CNTLN: variants seen among roughly 807,000 people sequenced by gnomAD.
CNTLN encodes centlein, also known as centlein, centrosomal protein.
A neutral mutation model predicts 180.0 loss-of-function variants in CNTLN; 212 were observed. That is an observed-to-expected ratio of 1.18 (90% CI 1.05 to 1.32). The LOEUF (loss-of-function observed/expected upper bound fraction) is 1.32. CNTLN is among the 40% of genes most tolerant of loss of function. The pLI is 0.00. For missense variants in CNTLN, 2,095 were observed against 1,610.9 expected, an observed-to-expected ratio of 1.30 and a Z score of -5.14; for synonymous variants, 722 against 563.1, an observed-to-expected ratio of 1.28 and a Z score of -3.99.
chr9:17,214,067 A>G (rs894572219), intron 2 of CNTLN, among the ~76,000 whole-genome samples: 1 of 152,024 alleles, frequency 6.6e-6, no homozygotes, highest in African/African-American at 2.4e-5. Flanking sequence ...TAAGATTAAT[A>G]TTGTTATGTG....
rs574835968 is a variant in CNTLN, at chr9:17,285,098, C to T, written c.983+11232C>T. 9.3e-5 allele frequency among the ~76,000 whole-genome samples: 14 copies of T among 150,678 alleles called. No homozygotes were observed. The South Asian group carries it at 2.5e-3, about 27-fold the overall frequency. On this transcript the variant is annotated intron_variant, in intron 6 of 25. Coordinates refer to ENST00000380647, the MANE Select transcript of CNTLN (RefSeq NM_017738.4). Reference sequence around the variant, plus strand: ...ATACATGTGCCATGCTGGTGCGCTGCACCCACTAACTCGTCATCTAGCATT... The same window carrying T: ...ATACATGTGCCATGCTGGTGCGCTGTACCCACTAACTCGTCATCTAGCATT...
chr9:17,455,713 G>A (rs1488098292), intron 18 of CNTLN, among the ~76,000 whole-genome samples: 1 of 148,974 alleles, frequency 6.7e-6, no homozygotes, highest in East Asian at 1.9e-4. Context: ...ATGGCAGGCA[G>A]GTTTGGGGAG....
At chr9:17,276,499 C>A (rs1225920622) in intron 6 of CNTLN, among the ~76,000 whole-genome samples, 6 of 152,030 alleles carry the variant, frequency 3.9e-5, no homozygotes, top group Non-Finnish European at 7.4e-5. Context: ...GTATGGATTT[C>A]CTTCTTTGAA....
chr9:17,423,629 G>T (rs541850384), intron 18 of CNTLN, among the ~76,000 whole-genome samples: 3 of 152,056 alleles, frequency 2.0e-5, no homozygotes, highest in Admixed American at 2.0e-4. Context: ...CCCAAGGACC[G>T]CAGATTTTAT....
chr9:17,381,276 A>G (rs1330431913), intron 13 of CNTLN, among the ~76,000 whole-genome samples: 1 of 152,062 alleles, frequency 6.6e-6, no homozygotes, highest in African/African-American at 2.4e-5. Context: ...TCATTTTCCA[A>G]CTCTAGAAGT....
chr9:17,401,190 C>T (rs1238966840), intron 15 of CNTLN, among the ~76,000 whole-genome samples: 1 of 152,084 alleles, frequency 6.6e-6, no homozygotes, highest in Non-Finnish European at 1.5e-5. Context: ...TCTCTTGACA[C>T]AGTATCTTAG....
Position 17,260,183 on chromosome 9 carries a change from T to A in CNTLN, c.850-13550T>A, listed in dbSNP as rs1036929197. 7.4e-5 allele frequency among the ~76,000 whole-genome samples: 11 copies of A among 147,958 alleles called. 3 individuals are homozygous for A. Among genetic ancestry groups the A allele is most frequent in the African/African-American group, 2.9e-4 (11 of 38,310 alleles). On this transcript the variant is annotated intron_variant, in intron 5 of 25. Transcript: ENST00000380647. Reference sequence around the variant, plus strand: ...AGATTCTGGTATGTTATGTCTTTGTTCTCTTTGGTTTCAAAGAACATCTTT... The same window carrying A: ...AGATTCTGGTATGTTATGTCTTTGTACTCTTTGGTTTCAAAGAACATCTTT...
chr9:17,413,278 A>G (rs1361182967), intron 16 of CNTLN, among the ~76,000 whole-genome samples: 2 of 152,194 alleles, frequency 1.3e-5, no homozygotes, highest in African/African-American at 4.8e-5. Flanking sequence ...GGTGGCTCAC[A>G]TATAAATGTA....
intron 2 of CNTLN, among the ~76,000 whole-genome samples, chr9:17,174,698 G>GAAA (rs34784210): frequency 8.0e-6 from 1 of 124,452 alleles, no homozygotes; most frequent in African/African-American, 2.9e-5. Context: ...TCCGTCTCAG[G>GAAA]AAAAAAAAAA....
At chr9:17,405,527 T>A (rs1827313886) in intron 15 of CNTLN, among the ~76,000 whole-genome samples, 1 of 151,682 alleles carries the variant, frequency 6.6e-6, no homozygotes, top group African/African-American at 2.4e-5. Context: ...CCTGTTCTTA[T>A]AACAAACTCA....
At chr9:17,411,808 T>C (rs986661314) in intron 16 of CNTLN, among the ~76,000 whole-genome samples, 1 of 151,966 alleles carries the variant, frequency 6.6e-6, no homozygotes, top group Admixed American at 6.6e-5. Flanking sequence ...CCCCTATCCA[T>C]GCAAAAATTT....
intron 14 of CNTLN, among the ~76,000 whole-genome samples, chr9:17,391,576 A>G (rs763469021): frequency 6.6e-6 from 1 of 152,120 alleles, no homozygotes; most frequent in Non-Finnish European, 1.5e-5. Context: ...CCAAACTTAA[A>G]TGGATTTCAG....
chr9:17,454,718 TG>T (rs1831009574), intron 18 of CNTLN, among the ~76,000 whole-genome samples: 1 of 152,220 alleles, frequency 6.6e-6, no homozygotes, highest in Admixed American at 6.5e-5. Context: ...AGATCACCTT[TG>T]TTAGGTAGAC....
chr9:17,290,519 A>T (rs1364519831), intron 6 of CNTLN, among the ~76,000 whole-genome samples: 1 of 144,058 alleles, frequency 6.9e-6, no homozygotes, highest in Non-Finnish European at 1.5e-5. Context: ...GGCCTCCTTG[A>T]GCTGTGGTGG....
intron 6 of CNTLN, among the ~76,000 whole-genome samples, chr9:17,277,267 G>A (rs1444879064): frequency 1.3e-5 from 1 of 75,562 alleles, no homozygotes; most frequent in Non-Finnish European, 2.8e-5. Context: ...GTTTAGATGG[G>A]GTAGATGGGG....
chr9:17,476,562 A>T (rs771056940), intron 23 of CNTLN, among the ~76,000 whole-genome samples: 1 of 152,242 alleles, frequency 6.6e-6, no homozygotes, highest in Non-Finnish European at 1.5e-5. Flanking sequence ...ATGAATACAC[A>T]AATGATAAGA....
intron 2 of CNTLN, among the ~76,000 whole-genome samples, chr9:17,215,874 G>T (rs930644837): frequency 1.3e-5 from 2 of 152,168 alleles, no homozygotes; most frequent in African/African-American, 4.8e-5. Context: ...TAATCTCCTG[G>T]TGTGCCGTAT....
chr9:17,290,286 C>T (rs1158666336), intron 6 of CNTLN, among the ~76,000 whole-genome samples: 3 of 151,906 alleles, frequency 2.0e-5, no homozygotes, highest in African/African-American at 4.8e-5. Flanking sequence ...TGTCAGTCTG[C>T]CCCTGCTGGG....
chr9:17,200,193 C>G (rs1822426065), intron 2 of CNTLN, among the ~76,000 whole-genome samples: 2 of 152,066 alleles, frequency 1.3e-5, no homozygotes, highest in African/African-American at 4.8e-5. Context: ...TTCCATTGGT[C>G]TACATATATG....
Sources: gnomAD v4.1 joint callset for allele counts (sites outside exome capture counted in the v4.1 genomes callset) on GRCh38, gnomAD v4.1.1 for gene constraint, MANE v1.5 for transcripts, NCBI Gene and HGNC (gene_info 2026-07-23, HGNC 2026-07-21) for gene names.